Variants in PPP2R3B observed in about 807,000 individuals in gnomAD.
PPP2R3B encodes the protein protein phosphatase 2 regulatory subunit B''beta, also known as serine/threonine-protein phosphatase 2A regulatory subunit B'' subunit beta.
A neutral mutation model predicts 72.9 loss-of-function variants in PPP2R3B; 68 were observed. That is an observed-to-expected ratio of 0.93 (90% CI 0.77 to 1.14). The LOEUF (loss-of-function observed/expected upper bound fraction) is 1.14. PPP2R3B is among the 50% of genes most tolerant of loss of function. The pLI is 0.00. For synonymous variants in PPP2R3B, 466 were observed against 375.8 expected, an observed-to-expected ratio of 1.24 and a Z score of -2.78; for missense variants, 1,018 against 842.0, an observed-to-expected ratio of 1.21 and a Z score of -2.59.
intron 7 of PPP2R3B, chrX:345,294 AGGCAGAGGCCTCG>A (rs1360567826): frequency 6.9e-6 from 5 of 727,104 alleles, no homozygotes; most frequent in African/African-American, 3.5e-5. Context: ...AGACGCCCCC[AGGCAGAGGCCTCG>A]GGCAGAGGCG....
rs763900841 is a variant in PPP2R3B at position 361,625 on chromosome X, T to C, written c.325-35A>G. 5.0e-6 allele frequency: 8 copies of C among 1,606,918 alleles called. No homozygotes were observed. In the South Asian group the frequency reaches 8.8e-5, roughly 18 times the overall value. ...CGACAGACAGCGCTCAGTTAGAACC[T>C]GGGAGCATCGAACGCCTTCTTCACC... On this transcript the variant is annotated intron_variant, in intron 1 of 12. Coordinates refer to ENST00000390665, the MANE Select transcript of PPP2R3B (RefSeq NM_013239.5).
intron 1 of PPP2R3B, among the ~76,000 whole-genome samples, chrX:372,439 G>C (rs995106429): frequency 6.6e-6 from 1 of 152,218 alleles, no homozygotes; most frequent in Admixed American, 6.5e-5. Context: ...AAGCGCGTCT[G>C]ATGTGCCACG....
At chrX:360,581 C>A (rs1187753276) in intron 2 of PPP2R3B, among the ~76,000 whole-genome samples, 1 of 152,200 alleles carries the variant, frequency 6.6e-6, no homozygotes, top group Non-Finnish European at 1.5e-5. Context: ...CCGAGGACCC[C>A]CTTCACAGCT....
Position 347,655 on chromosome X carries a change from G to A in PPP2R3B, c.549C>T (p.Phe183=), listed in dbSNP as rs772301560. The A allele has an allele frequency of 8.3e-6, 13 of 1,567,514 alleles. No individual in the cohort carries two copies. The Admixed American group carries it at 9.6e-5, about 12-fold the overall frequency. Residue 183 remains phenylalanine, a synonymous_variant, in exon 3 of 13, where the codon TTC becomes TTT. Coordinates refer to ENST00000390665, the MANE Select transcript of PPP2R3B (RefSeq NM_013239.5). ...GCPLYWKGPL[F]YGAGGERTGS... Reference sequence around the variant, plus strand: ...CCGTGCGCTCCCCGCCGGCGCCATAGAAGAGCGGCCCCTTCCAGTAGAGGG... The same window carrying A: ...CCGTGCGCTCCCCGCCGGCGCCATAAAAGAGCGGCCCCTTCCAGTAGAGGG...
At position 346,200 on chromosome X, in the gene PPP2R3B, C is replaced by A; in HGVS notation, c.853G>T (p.Glu285Ter). 6.4e-7 allele frequency: 1 copy of A among 1,566,464 alleles called. No individual in the cohort carries two copies. Among genetic ancestry groups the A allele is most frequent in the South Asian group, 1.2e-5 (1 of 85,382 alleles). Residue 285 changes from glutamate (E) to a stop codon, truncating the protein, a stop_gained, in exon 6 of 13, where the codon GAG (glutamate) becomes TAG (stop). Transcript: ENST00000390665. LOFTEE classifies it high-confidence loss of function. ...RSWSGRITCA[E>*]LRRSSFLQNV... ...TGCAGGAAGGAGCTCCTCCGCAGCTCGGCGCAGGTGATCCTGCCGGACCAG... is the reference window on the plus strand; with the variant it reads ...TGCAGGAAGGAGCTCCTCCGCAGCTAGGCGCAGGTGATCCTGCCGGACCAG...
At chrX:380,132 A>G (rs2072090883) in intron 1 of PPP2R3B, among the ~76,000 whole-genome samples, 2 of 152,230 alleles carry the variant, frequency 1.3e-5, no homozygotes, top group African/African-American at 4.8e-5. Flanking sequence ...CTGCTTTCTC[A>G]AGATAAATAG....
At chrX:355,328 G>A (rs186164524) in intron 2 of PPP2R3B, among the ~76,000 whole-genome samples, 36 of 152,320 alleles carry the variant, frequency 2.4e-4, no homozygotes, top group Middle Eastern at 3.4e-3. Context: ...ACTACAAGGC[G>A]TACTGAAAGA....
chrX:338,468 CTG>C (rs953536456), intron 12 of PPP2R3B, 134 bp downstream of exon 12: 22 of 873,136 alleles, frequency 2.5e-5, no homozygotes, highest in South Asian at 7.9e-5. Context: ...CCCCGCCCCT[CTG>C]TGTCCGCGCA....
chrX:369,816 G>C (rs1401045465), intron 1 of PPP2R3B, among the ~76,000 whole-genome samples: 2 of 152,232 alleles, frequency 1.3e-5, no homozygotes, highest in Non-Finnish European at 2.9e-5. Flanking sequence ...CTCAGTACGG[G>C]CTGCAACGCA....
At chrX:346,100 A>AGGGAGGAGGGAGGAGAGAGG in intron 6 of PPP2R3B, 74 bp downstream of exon 6, 1 of 655,842 alleles carries the variant, frequency 1.5e-6, no homozygotes, top group Non-Finnish European at 2.4e-6. Context: ...AGGGGGGAGG[A>AGGGAGGAGGGAGGAGAGAGG]GGGAAGGGAA....
chrX:380,824 C>A (rs2072107581), intron 1 of PPP2R3B, among the ~76,000 whole-genome samples: 1 of 145,632 alleles, frequency 6.9e-6, no homozygotes. Context: ...AGCTCATCCA[C>A]ATGAGGTTCT....
At chrX:364,623 C>T (rs1220155558) in intron 1 of PPP2R3B, among the ~76,000 whole-genome samples, 1 of 145,916 alleles carries the variant, frequency 6.9e-6, no homozygotes. Context: ...GAGGCTGAGG[C>T]AGGAGAATCG....
chrX:352,378 C>T (rs768285934), intron 2 of PPP2R3B, among the ~76,000 whole-genome samples: 4 of 152,352 alleles, frequency 2.6e-5, no homozygotes, highest in Admixed American at 6.5e-5. Context: ...CTCCGCAGTC[C>T]GCTACGGCGA....
chrX:373,122 C>T (rs1217732407), intron 1 of PPP2R3B, among the ~76,000 whole-genome samples: 2 of 152,018 alleles, frequency 1.3e-5, no homozygotes, highest in South Asian at 2.1e-4. Flanking sequence ...AGGAGTTTCC[C>T]GATGTTTATT....
At chrX:338,220 G>A in intron 12 of PPP2R3B, 1 of 383,530 alleles carries the variant, frequency 2.6e-6, no homozygotes. Context: ...AAGGCTGGAA[G>A]GCCGAAGCGG....
rs746048510 is a variant in PPP2R3B, at chrX:386,465, G to C, written c.227C>G (p.Thr76Ser). The C allele has an allele frequency of 1.5e-6, 2 of 1,290,386 alleles. No individual in the cohort carries two copies. Among genetic ancestry groups the C allele is most frequent in the African/African-American group, 3.1e-5 (2 of 65,430 alleles). The allele number at this position is 1,290,386 out of a possible 1,614,324, so 79.9% of individuals were successfully genotyped here. Residue 76 changes from threonine to serine, a missense_variant, in exon 1 of 13, where the codon ACC becomes AGC. Physicochemically the swap from Thr to Ser is moderately conservative, Grantham distance 58. Coordinates refer to ENST00000390665, the MANE Select transcript of PPP2R3B (RefSeq NM_013239.5). The part of the protein sequence containing the change: ...PRPSGLEPPG[T>S]PGPGPALPLG... ...GGGCAGCGCAGGGCCCGGCCCGGGG[G>C]TTCCCGGGGGTTCGAGCCCGCTGGG...
At position 374,671 on chromosome X, in the gene PPP2R3B, G is replaced by C. The variant is rs187119370; in HGVS notation, c.324+11697C>G. Among the ~76,000 whole-genome samples the C allele has an allele frequency of 2.4e-3, 361 of 152,292 alleles. 4 individuals carry two copies. Among genetic ancestry groups the C allele is most frequent in the Admixed American group, 0.017 (256 of 15,302 alleles). ...CCTGCCAGGCTGAACGCTGTCAGCA[G>C]AAAGCCTCCCGGGTCCCCGATCAGG... is the stretch of plus-strand genomic sequence containing the variant. On this transcript the variant is annotated intron_variant, in intron 1 of 12. Coordinates refer to ENST00000390665, the MANE Select transcript of PPP2R3B (RefSeq NM_013239.5).
intron 1 of PPP2R3B, among the ~76,000 whole-genome samples, chrX:365,212 C>G: frequency 2.6e-5 from 1 of 39,132 alleles, no homozygotes; most frequent in South Asian, 2.1e-3. Context: ...GACTCTGTCT[C>G]AAAACAAAAC....
intron 8 of PPP2R3B, 95 bp from the exon 9 acceptor site, chrX:341,491 C>CCCG: frequency 1.5e-6 from 2 of 1,309,096 alleles, no homozygotes; most frequent in Non-Finnish European, 2.2e-6. Context: ...TGAGGGGAGC[C>CCCG]CCCCGGGCCC....
Sources: allele counts gnomAD v4.1 joint callset (sites outside exome capture counted in the v4.1 genomes callset), GRCh38; gene constraint gnomAD v4.1.1; transcripts MANE v1.5; gene names NCBI Gene and HGNC (gene_info 2026-07-23, HGNC 2026-07-21).